Variants in RFTN2 observed in about 807,000 individuals in gnomAD.
RFTN2 encodes raftlin family member 2.
In RFTN2, 34 loss-of-function variants were observed where a neutral mutation model predicts 52.7. The ratio of observed to expected loss-of-function variants is 0.64; its 90% CI spans 0.49 to 0.86. The LOEUF (loss-of-function observed/expected upper bound fraction) is 0.86. Among genes scored for constraint, RFTN2 ranks in the 40% least tolerant of loss-of-function variants. The probability of loss-of-function intolerance (pLI) is 0.00; values close to 1 mark genes in which losing one functional copy is unlikely to be tolerated. For missense variants in RFTN2, 536 were observed against 600.1 expected, an observed-to-expected ratio of 0.89 and a Z score of 1.12; for synonymous variants, 203 against 217.7, an observed-to-expected ratio of 0.93 and a Z score of 0.59.
At chr2:197,626,617 CTTTTTTTTTTT>C (rs71012985) in intron 5 of RFTN2, among the ~76,000 whole-genome samples, 1 of 90,950 alleles carries the variant, frequency 1.1e-5, no homozygotes, top group Non-Finnish European at 1.9e-5. Flanking sequence ...GAATAATCTT[CTTTTTTTTTTT>C]TTTTTTTTTT....
chr2:197,620,734 A>T (rs1177939873), intron 5 of RFTN2, among the ~76,000 whole-genome samples: 2 of 152,232 alleles, frequency 1.3e-5, no homozygotes, highest in Non-Finnish European at 2.9e-5. Flanking sequence ...TGGGAGGCCG[A>T]GGCAGGCAGA....
chr2:197,624,613 A>G (rs1331680933), intron 5 of RFTN2, among the ~76,000 whole-genome samples: 1 of 150,248 alleles, frequency 6.7e-6, no homozygotes, highest in African/African-American at 2.4e-5. Flanking sequence ...AAAAAAAAAA[A>G]AAAAAAAAGA....
At chr2:197,619,765 TAATAA>T (rs1418616226) in intron 5 of RFTN2, among the ~76,000 whole-genome samples, 1 of 144,646 alleles carries the variant, frequency 6.9e-6, no homozygotes, top group East Asian at 2.0e-4. Context: ...ATAATAACAA[TAATAA>T]AATAAAATAA....
intron 1 of RFTN2, among the ~76,000 whole-genome samples, chr2:197,647,407 G>A (rs1158546490): frequency 6.6e-6 from 1 of 151,924 alleles, no homozygotes; most frequent in Non-Finnish European, 1.5e-5. Context: ...GCGAGGTTTT[G>A]CCATGTTGCC....
At chr2:197,585,128 A>G (rs377392154) in intron 8 of RFTN2, among the ~76,000 whole-genome samples, 3 of 152,200 alleles carry the variant, frequency 2.0e-5, no homozygotes, top group African/African-American at 7.2e-5. Context: ...ACTCTCTCCT[A>G]CTTCGCTTAA....
rs2088333906 is a variant in RFTN2 at position 197,625,171 on chromosome 2, C to T, written c.928+5840G>A. On this transcript the variant is annotated intron_variant, in intron 5 of 8. Transcript: ENST00000295049. ...GCCCATTCTTTTCAAATATATTCAT[C>T]TTACATAAAAGCCACTCAATCTTAA... Among the ~76,000 whole-genome samples, 2 of 152,100 alleles carry T rather than the reference C, an allele frequency of 1.3e-5. 1 individual carries two copies. The highest frequency in any genetic ancestry group is 4.2e-4 in the South Asian group (2 of 4,812).
intron 1 of RFTN2, among the ~76,000 whole-genome samples, chr2:197,661,397 G>C (rs2088974805): frequency 6.6e-6 from 1 of 151,766 alleles, no homozygotes; most frequent in African/African-American, 2.4e-5. Context: ...TGTTTTGGTA[G>C]TTTTTAAATA....
At chr2:197,634,640 T>A (rs943101107) in intron 3 of RFTN2, among the ~76,000 whole-genome samples, 1 of 152,030 alleles carries the variant, frequency 6.6e-6, no homozygotes. Context: ...CTGAAGCACA[T>A]GATATAATAT....
chr2:197,571,983 G>T lies in RFTN2; in HGVS notation c.*25C>A. 1 of 1,601,908 alleles carries T rather than the reference G, an allele frequency of 6.2e-7. No homozygotes were observed. The highest frequency in any genetic ancestry group is 8.6e-7 in the Non-Finnish European group (1 of 1,169,224). On this transcript the variant is annotated 3_prime_UTR_variant, in exon 9 of 9. Coordinates refer to ENST00000295049, the MANE Select transcript of RFTN2 (RefSeq NM_144629.3). Reference sequence around the variant, plus strand: ...AATGATTTTAACAATTATTTACAGGGCCTTCCTTTGCTTCACCTCATGGCT... The same window carrying T: ...AATGATTTTAACAATTATTTACAGGTCCTTCCTTTGCTTCACCTCATGGCT...
chr2:197,669,923 CT>C (rs913543682), intron 1 of RFTN2, among the ~76,000 whole-genome samples: 2 of 152,138 alleles, frequency 1.3e-5, no homozygotes, highest in South Asian at 2.1e-4. Context: ...ATGATAATGA[CT>C]TTTTTTTGCC....
chr2:197,587,723 G>A (rs182528865), intron 8 of RFTN2, among the ~76,000 whole-genome samples: 29 of 152,312 alleles, frequency 1.9e-4, no homozygotes, highest in African/African-American at 7.0e-4. Context: ...AGACACGTGT[G>A]ACATGTTAAG....
intron 8 of RFTN2, among the ~76,000 whole-genome samples, chr2:197,585,689 C>A (rs954590506): frequency 4.3e-4 from 66 of 152,252 alleles, no homozygotes; most frequent in African/African-American, 1.5e-3. Context: ...ACACAGCTGT[C>A]CCCGCCTTAC....
intron 1 of RFTN2, among the ~76,000 whole-genome samples, chr2:197,650,824 G>A (rs1445884641): frequency 6.6e-6 from 1 of 152,158 alleles, no homozygotes; most frequent in African/African-American, 2.4e-5. Context: ...GGGATTGCTG[G>A]ATCATATGGT....
At chr2:197,672,329 C>A (rs761323228) in intron 1 of RFTN2, among the ~76,000 whole-genome samples, 1 of 152,104 alleles carries the variant, frequency 6.6e-6, no homozygotes, top group Non-Finnish European at 1.5e-5. Flanking sequence ...ACACATTTGT[C>A]GAGTTGTAGT....
At chr2:197,582,759 G>T (rs1278372565) in intron 8 of RFTN2, among the ~76,000 whole-genome samples, 1 of 152,016 alleles carries the variant, frequency 6.6e-6, no homozygotes, top group African/African-American at 2.4e-5. Context: ...TAATAAAATA[G>T]GCCTCTTCTC....
At chr2:197,650,406 G>A (rs2088810364) in intron 1 of RFTN2, among the ~76,000 whole-genome samples, 1 of 152,176 alleles carries the variant, frequency 6.6e-6, no homozygotes, top group Non-Finnish European at 1.5e-5. Context: ...TCCATAGATT[G>A]TGGTTGATAA....
chr2:197,601,489 T>C (rs1239316358), intron 7 of RFTN2, among the ~76,000 whole-genome samples: 2 of 152,130 alleles, frequency 1.3e-5, no homozygotes, highest in South Asian at 2.1e-4. Context: ...ATAGGGAAAT[T>C]GAGACTCAGC....
At chr2:197,606,977 T>C (rs914592322) in intron 7 of RFTN2, among the ~76,000 whole-genome samples, 8 of 152,236 alleles carry the variant, frequency 5.3e-5, no homozygotes, top group African/African-American at 1.7e-4. Context: ...ATCCCATTAC[T>C]GGGTATATAC....
chr2:197,634,686 T>C (rs1260440082), intron 3 of RFTN2, among the ~76,000 whole-genome samples: 1 of 147,342 alleles, frequency 6.8e-6, no homozygotes, highest in Non-Finnish European at 1.5e-5. Flanking sequence ...AGAATGCTTA[T>C]TTTTTATTTT....
Sources: allele counts gnomAD v4.1 joint callset (sites outside exome capture counted in the v4.1 genomes callset), GRCh38; gene constraint gnomAD v4.1.1; transcripts MANE v1.5; gene names NCBI Gene and HGNC (gene_info 2026-07-23, HGNC 2026-07-21).